Variants in RBM20 observed in about 807,000 individuals in gnomAD.
RBM20 encodes the protein RNA binding motif protein 20.
A neutral mutation model predicts 110.1 loss-of-function variants in RBM20; 51 were observed. That is an observed-to-expected ratio of 0.46 (90% CI 0.37 to 0.59). The LOEUF (loss-of-function observed/expected upper bound fraction) is 0.59. Ranked by LOEUF, RBM20 falls within the 20% of genes least tolerant of loss-of-function variation. RBM20 has a pLI of 0.00. For synonymous variants in RBM20, 589 were observed against 618.2 expected (o/e 0.95, Z 0.70); for missense variants, 1,512 against 1,574.9 (o/e 0.96, Z 0.68).
Position 110,806,507 on chromosome 10 carries a change from G to A in RBM20, c.1801-3876G>A, listed in dbSNP as rs184327550. Among the ~76,000 whole-genome samples, 230 of 152,214 alleles carry A rather than the reference G, an allele frequency of 1.5e-3. 3 individuals carry two copies. Among genetic ancestry groups the A allele is most frequent in the African/African-American group, 5.3e-3 (221 of 41,524 alleles). ...CCAGATCTCGTGAGAACTCTGTCAC[G>A]AGAGTAGTACTGGGGGATGGTGCTA... is the stretch of plus-strand genomic sequence containing the variant. On this transcript the variant is annotated intron_variant, in intron 7 of 13. Transcript: ENST00000369519.
At chr10:110,692,039 T>C (rs1348019749) in intron 1 of RBM20, among the ~76,000 whole-genome samples, 1 of 152,180 alleles carries the variant, frequency 6.6e-6, no homozygotes, top group Non-Finnish European at 1.5e-5. Context: ...GCTTTCCCCA[T>C]TGAATGGCCT....
intron 7 of RBM20, among the ~76,000 whole-genome samples, chr10:110,803,384 C>T (rs1266627917): frequency 6.6e-6 from 1 of 152,132 alleles, no homozygotes; most frequent in Non-Finnish European, 1.5e-5. Flanking sequence ...TTATAGTCAC[C>T]CAGCCAAGAA....
chr10:110,767,958 C>G (rs971292735), intron 1 of RBM20, among the ~76,000 whole-genome samples: 1 of 152,246 alleles, frequency 6.6e-6, no homozygotes, highest in Non-Finnish European at 1.5e-5. Flanking sequence ...CTGAGTGAAC[C>G]AGACTCCGTC....
At chr10:110,769,771 T>C (rs1265982226) in intron 1 of RBM20, among the ~76,000 whole-genome samples, 1 of 151,456 alleles carries the variant, frequency 6.6e-6, no homozygotes, top group Non-Finnish European at 1.5e-5. Flanking sequence ...CAGGCTGGAG[T>C]GCAGTGTTGG....
intron 9 of RBM20, among the ~76,000 whole-genome samples, chr10:110,816,428 C>T (rs1472678511): frequency 6.7e-6 from 1 of 149,154 alleles, no homozygotes; most frequent in Non-Finnish European, 1.5e-5. Context: ...CCACTGCAGA[C>T]CATCTCAACA....
At chr10:110,754,695 C>A (rs1298546356) in intron 1 of RBM20, among the ~76,000 whole-genome samples, 1 of 152,202 alleles carries the variant, frequency 6.6e-6, no homozygotes, top group African/African-American at 2.4e-5. Context: ...TTTTCCAAAT[C>A]TACTAAGTCA....
intron 1 of RBM20, among the ~76,000 whole-genome samples, chr10:110,653,446 C>G (rs1861978878): frequency 6.6e-6 from 1 of 151,974 alleles, no homozygotes; most frequent in South Asian, 2.1e-4. Flanking sequence ...GTTATCATAG[C>G]TCAGGAAATT....
chr10:110,650,435 A>T (rs1488253805), intron 1 of RBM20, among the ~76,000 whole-genome samples: 2 of 152,156 alleles, frequency 1.3e-5, no homozygotes. Context: ...TTGCATGAGG[A>T]TGTGTTCATA....
rs864622733 is a variant in RBM20, at chr10:110,831,192, C to T, written c.3573+10C>T. ...CTACAGGAACTTACAGGTAAAAATC[C>T]ACTCTCCTTGCCCAGCATGCCAGGG... On this transcript the variant is annotated intron_variant, in intron 13 of 13. Coordinates refer to ENST00000369519, the MANE Select transcript of RBM20 (RefSeq NM_001134363.3). 1 of 1,550,588 alleles carries T rather than the reference C, an allele frequency of 6.4e-7. No homozygotes were observed. Among genetic ancestry groups the T allele is most frequent in the Non-Finnish European group, 8.7e-7 (1 of 1,146,178 alleles).
intron 4 of RBM20, 124 bp from the exon 5 acceptor site, chr10:110,784,668 C>A: frequency 1.4e-6 from 1 of 738,568 alleles, no homozygotes; most frequent in Non-Finnish European, 2.4e-6. Flanking sequence ...GAGGTACAAT[C>A]ATGCCAATCA....
At chr10:110,736,278 C>A (rs1473490571) in intron 1 of RBM20, among the ~76,000 whole-genome samples, 1 of 152,254 alleles carries the variant, frequency 6.6e-6, no homozygotes, top group African/African-American at 2.4e-5. Context: ...TACTTCTCTA[C>A]AAATGCCATT....
rs41292592 is a variant in RBM20, at chr10:110,812,389, C to T, written c.1992C>T (p.Pro664=). ...SCSSSHSPPG[P]SRADWGNGRD... ...GCTCTTCCCACAGCCCTCCGGGCCCCTCCCGGGCTGACTGGGGCAATGGCC... is the reference window on the plus strand; with the variant it reads ...GCTCTTCCCACAGCCCTCCGGGCCCTTCCCGGGCTGACTGGGGCAATGGCC... The change falls in exon 9 of 14, where the codon CCC becomes CCT. Residue 664 remains proline (P), a synonymous_variant. Transcript: ENST00000369519. The T allele has an allele frequency of 2.9e-3, 4,425 of 1,551,710 alleles. 12 individuals carry two copies. The highest frequency in any genetic ancestry group is 3.6e-3 in the Non-Finnish European group (4,072 of 1,147,012).
At chr10:110,761,545 C>T (rs559091440) in intron 1 of RBM20, among the ~76,000 whole-genome samples, 1 of 152,364 alleles carries the variant, frequency 6.6e-6, no homozygotes, top group East Asian at 1.9e-4. Flanking sequence ...GAAGGTCACA[C>T]AGTGAGTGGG....
At chr10:110,824,835 G>A (rs1005775755) in intron 12 of RBM20, among the ~76,000 whole-genome samples, 2 of 152,140 alleles carry the variant, frequency 1.3e-5, no homozygotes, top group African/African-American at 4.8e-5. Flanking sequence ...AGTGTCACCT[G>A]GGAAAGTGTC....
At chr10:110,756,852 G>C (rs1053599848) in intron 1 of RBM20, 1 of 152,146 alleles carries the variant, frequency 6.6e-6, no homozygotes, top group Non-Finnish European at 1.5e-5. Flanking sequence ...CCCAAACTTG[G>C]TATCTCCTTG....
chr10:110,794,788 C>T (rs1190209863), intron 5 of RBM20, among the ~76,000 whole-genome samples: 6 of 152,234 alleles, frequency 3.9e-5, no homozygotes, highest in African/African-American at 1.2e-4. Context: ...GACCCATTCA[C>T]TTAGTGCCTT....
At chr10:110,747,101 T>C (rs1159120478) in intron 1 of RBM20, among the ~76,000 whole-genome samples, 3 of 152,186 alleles carry the variant, frequency 2.0e-5, no homozygotes, top group African/African-American at 7.2e-5. Flanking sequence ...GATGTTATCA[T>C]TGGGGAAGAT....
intron 13 of RBM20, among the ~76,000 whole-genome samples, chr10:110,833,945 T>C (rs555228362): frequency 6.6e-6 from 1 of 152,306 alleles, no homozygotes; most frequent in Admixed American, 6.5e-5. Context: ...TGGCTGACAC[T>C]TAAATCAGGC....
At position 110,781,318 on chromosome 10, in the gene RBM20, G is replaced by A; in HGVS notation, c.709G>A (p.Gly237Ser). The A allele has an allele frequency of 1.3e-6, 2 of 1,551,692 alleles. No individual in the cohort carries two copies. The highest frequency in any genetic ancestry group is 1.4e-5 in the African/African-American group (1 of 73,164). The change falls in exon 2 of 14, where the codon GGC (glycine) becomes AGC (serine). Residue 237 changes from glycine to serine, a missense_variant. This residue lies in a region of RBM20 where 1,149 missense variants were observed against 1,169.4 expected (regional missense o/e 0.98). Transcript: ENST00000369519. ...GFYEYGKASS[G>S]QTYGPETDGQ... ...CTATGAGTATGGCAAAGCCAGCTCT[G>A]GCCAGACATATGGCCCTGAAACAGA...
Sources: allele counts gnomAD v4.1 joint callset (sites outside exome capture counted in the v4.1 genomes callset), GRCh38; gene constraint gnomAD v4.1.1; regional missense constraint gnomAD v4.1.1; transcripts MANE v1.5; gene names NCBI Gene and HGNC (gene_info 2026-07-23, HGNC 2026-07-21).